PAK1: variants seen among roughly 807,000 people sequenced by gnomAD.
The protein encoded by PAK1 is serine/threonine-protein kinase PAK 1.
In PAK1, 29 loss-of-function variants were observed where a neutral mutation model predicts 67.4. That is an observed-to-expected ratio of 0.43 (90% CI 0.32 to 0.59). PAK1 has a LOEUF of 0.59. PAK1 is among the 20% of genes least tolerant of loss of function. The pLI, the probability that PAK1 is intolerant of heterozygous loss-of-function variation, is 0.07. For synonymous variants in PAK1, 223 were observed against 237.4 expected (o/e 0.94, Z 0.56); for missense variants, 337 against 670.7 (o/e 0.50, Z 5.50).
intron 10 of PAK1, among the ~76,000 whole-genome samples, chr11:77,343,164 A>G (rs560467316): frequency 2.0e-5 from 3 of 152,260 alleles, no homozygotes; most frequent in Admixed American, 2.0e-4. Flanking sequence ...TTTTGCAAAA[A>G]AATTTTGATG....
intron 1 of PAK1, among the ~76,000 whole-genome samples, chr11:77,458,694 G>A (rs146319001): frequency 6.6e-6 from 1 of 152,252 alleles, no homozygotes; most frequent in East Asian, 1.9e-4. Context: ...TGTTTGAGTG[G>A]GGGCTAATTT....
intron 1 of PAK1, among the ~76,000 whole-genome samples, chr11:77,402,461 A>T (rs1263053896): frequency 6.6e-6 from 1 of 152,194 alleles, no homozygotes; most frequent in African/African-American, 2.4e-5. Flanking sequence ...ATCTTGGGAA[A>T]TTCCTAATCT....
At chr11:77,465,932 G>A (rs1957576478) in intron 1 of PAK1, among the ~76,000 whole-genome samples, 1 of 152,288 alleles carries the variant, frequency 6.6e-6, no homozygotes, top group South Asian at 2.1e-4. Context: ...CTGGATGACA[G>A]AGCAAGACCC....
intron 5 of PAK1, among the ~76,000 whole-genome samples, chr11:77,371,712 GAT>G: frequency 6.6e-6 from 1 of 152,160 alleles, no homozygotes. Flanking sequence ...AACTAGTAAG[GAT>G]ATATAGAGCA....
chr11:77,421,099 G>C (rs930652208), intron 1 of PAK1, among the ~76,000 whole-genome samples: 2 of 152,064 alleles, frequency 1.3e-5, no homozygotes, highest in African/African-American at 4.8e-5. Flanking sequence ...AAAGTCCTTA[G>C]AAAAACATAC....
At chr11:77,353,854 CA>C (rs1555148193) in intron 7 of PAK1, among the ~76,000 whole-genome samples, 1 of 152,098 alleles carries the variant, frequency 6.6e-6, no homozygotes, top group Non-Finnish European at 1.5e-5. Flanking sequence ...TTAATCCATT[CA>C]GTAAATATTT....
Position 77,412,969 on chromosome 11 carries a change from T to G in PAK1, c.-21-20428A>C, listed in dbSNP as rs531967161. On this transcript the variant is annotated intron_variant, in intron 1 of 14. Transcript: ENST00000356341. Reference sequence around the variant, plus strand: ...TTACCAACACGGCCCAGACTAGTAGTGCCTCTAGTAGTGCCTCCCAATTAC... The same window carrying G: ...TTACCAACACGGCCCAGACTAGTAGGGCCTCTAGTAGTGCCTCCCAATTAC... Among the ~76,000 whole-genome samples, 115 of 152,332 alleles carry G rather than the reference T, an allele frequency of 7.5e-4. 1 individual carries two copies. Among genetic ancestry groups the G allele is most frequent in the Middle Eastern group, 6.8e-3 (2 of 292 alleles).
At chr11:77,374,773 C>A (rs1297970993) in intron 4 of PAK1, among the ~76,000 whole-genome samples, 1 of 152,160 alleles carries the variant, frequency 6.6e-6, no homozygotes, top group Non-Finnish European at 1.5e-5. Flanking sequence ...GCTTTCTAGG[C>A]TACAAACCTG....
intron 2 of PAK1, among the ~76,000 whole-genome samples, chr11:77,386,081 C>G (rs548473676): frequency 1.3e-5 from 2 of 152,254 alleles, no homozygotes; most frequent in South Asian, 4.1e-4. Flanking sequence ...AAGCTTCCAA[C>G]CTCACCCATC....
At chr11:77,401,247 G>A (rs1001573227) in intron 1 of PAK1, among the ~76,000 whole-genome samples, 19 of 152,092 alleles carry the variant, frequency 1.2e-4, no homozygotes, top group Admixed American at 1.2e-3. Context: ...CTTTGGCAGG[G>A]GACTGGAATG....
the PAK1 span, among the ~76,000 whole-genome samples, chr11:77,483,905 C>CTA: frequency 6.6e-6 from 1 of 152,080 alleles, no homozygotes; most frequent in Non-Finnish European, 1.5e-5. Context: ...TTGACAATAC[C>CTA]TATAGAATGG....
chr11:77,456,456 T>C (rs999700324), intron 1 of PAK1, among the ~76,000 whole-genome samples: 10 of 152,212 alleles, frequency 6.6e-5, no homozygotes, highest in African/African-American at 2.2e-4. Flanking sequence ...TGCTAAAAAT[T>C]GGTCTAGGTG....
chr11:77,339,190 A>G (rs1335742172), intron 11 of PAK1, among the ~76,000 whole-genome samples: 1 of 152,172 alleles, frequency 6.6e-6, no homozygotes, highest in Non-Finnish European at 1.5e-5. Flanking sequence ...TGATCCATAT[A>G]GCACCCCTAA....
intron 2 of PAK1, among the ~76,000 whole-genome samples, chr11:77,383,362 T>G (rs1405253246): frequency 2.7e-5 from 4 of 150,722 alleles, no homozygotes; most frequent in African/African-American, 9.8e-5. Context: ...CTCACTCTTG[T>G]TGCCCAGGCT....
Position 77,392,351 on chromosome 11 carries a change from G to C in PAK1, c.170C>G (p.Ser57Cys). The change falls in exon 2 of 15, where the codon TCC (serine) becomes TGC (cysteine). Residue 57 changes from serine (S) to cysteine (C), a missense_variant. By Grantham distance (112) the Ser-to-Cys change is moderately radical (BLOSUM62 -1). Coordinates refer to ENST00000356341, the MANE Select transcript of PAK1 (RefSeq NM_002576.5). ...EKKKKDRFYRSILPGDKTNKK... is the reference protein window; with the variant it reads ...EKKKKDRFYRCILPGDKTNKK... ...TATACTTTTATCTCCAGGTAAAATG[G>C]ATCGGTAAAATCGGTCCTTCTTTTT... 6.3e-7 allele frequency: 1 copy of C among 1,595,434 alleles called. No individual in the cohort carries two copies. The highest frequency in any genetic ancestry group is 8.6e-7 in the Non-Finnish European group (1 of 1,168,126).
At chr11:77,467,892 T>G (rs1170463734) in intron 1 of PAK1, among the ~76,000 whole-genome samples, 1 of 152,204 alleles carries the variant, frequency 6.6e-6, no homozygotes. Context: ...CCTTGGTAAG[T>G]GCAGTAATAC....
At chr11:77,485,526 A>C in the PAK1 span, among the ~76,000 whole-genome samples, 1 of 152,128 alleles carries the variant, frequency 6.6e-6, no homozygotes, top group African/African-American at 2.4e-5. Context: ...CCCAGGCTGG[A>C]GTGCAATGGC....
At chr11:77,464,268 C>T (rs534924745) in intron 1 of PAK1, among the ~76,000 whole-genome samples, 1 of 152,296 alleles carries the variant, frequency 6.6e-6, no homozygotes, top group South Asian at 2.1e-4. Context: ...TTTTCCCCCT[C>T]AGTGTTCTGC....
chr11:77,470,738 AAAGACTCAAAAGTT>A (rs1206028958), intron 1 of PAK1, among the ~76,000 whole-genome samples: 1 of 152,232 alleles, frequency 6.6e-6, no homozygotes, highest in Non-Finnish European at 1.5e-5. Flanking sequence ...TTTTAAGTTA[AAAGACTCAAAAGTT>A]AAGAGTGCTT....
Sources: gnomAD v4.1 joint callset for allele counts (sites outside exome capture counted in the v4.1 genomes callset) on GRCh38, gnomAD v4.1.1 for gene constraint, MANE v1.5 for transcripts, NCBI Gene and HGNC (gene_info 2026-07-23, HGNC 2026-07-21) for gene names.